The following FAM78A variants were observed in gnomAD, a reference collection of about 807,000 sequenced individuals.
FAM78A encodes the protein family with sequence similarity 78 member A, also known as protein FAM78A.
Under a neutral mutation model 22.6 loss-of-function variants are expected in FAM78A, and 12 were observed. The observed-to-expected ratio is 0.53, with a 90% confidence interval of 0.34 to 0.86. FAM78A has a LOEUF of 0.86. Among genes scored for constraint, FAM78A ranks in the 40% least tolerant of loss-of-function variants. The pLI is 0.02. For missense variants in FAM78A, 322 were observed against 396.1 expected (o/e 0.81, Z 1.59); for synonymous variants, 151 against 155.8 (o/e 0.97, Z 0.23).
chr9:131,269,161 CGCCCCTCCCCATGT>C lies in FAM78A; in HGVS notation c.323+6682_323+6695del, dbSNP rs930948666. ...GAAAACTGAAACCTACCTCCCCATG[CGCCCCTCCCCATGT>C]GCCCCATGTACTCTGGTAAACATCC... On this transcript the variant is annotated intron_variant, in intron 1 of 1. Coordinates refer to ENST00000372271, the MANE Select transcript of FAM78A (RefSeq NM_033387.4). 4.0e-5 allele frequency among the ~76,000 whole-genome samples: 6 copies of C among 151,694 alleles called. No homozygotes were observed. In the South Asian group the frequency reaches 6.3e-4, roughly 16 times the overall value.
intron 1 of FAM78A, among the ~76,000 whole-genome samples, chr9:131,268,117 C>T (rs1318984978): frequency 2.0e-5 from 3 of 152,042 alleles, no homozygotes; most frequent in Non-Finnish European, 4.4e-5. Context: ...CACAGTCTCC[C>T]GCTCAGTCCT....
chr9:131,271,815 ACT>A (rs1430211964), intron 1 of FAM78A, among the ~76,000 whole-genome samples: 2 of 148,984 alleles, frequency 1.3e-5, no homozygotes. Flanking sequence ...CACTTAGAAG[ACT>A]CTGTGCCAGC....
rs1835429688 is a variant in FAM78A at position 131,272,209 on chromosome 9, C to T, written c.323+3648G>A. On this transcript the variant is annotated intron_variant, in intron 1 of 1. Coordinates refer to ENST00000372271, the MANE Select transcript of FAM78A (RefSeq NM_033387.4). The surrounding 1 kb of genome is among the most constrained non-coding windows in gnomAD (Gnocchi z 4.1). ...ATTTGTAAAGAATGAAAGCCCTAAC[C>T]TAGCTCTCGCTACCTAGCTGTCCCT... is the stretch of plus-strand genomic sequence containing the variant. Among the ~76,000 whole-genome samples the T allele has an allele frequency of 6.6e-6, 1 of 152,200 alleles. No individual in the cohort carries two copies. Among genetic ancestry groups the T allele is most frequent in the South Asian group, 2.1e-4 (1 of 4,834 alleles).
chr9:131,270,718 G>A (rs1039995193), intron 1 of FAM78A, among the ~76,000 whole-genome samples: 14 of 151,914 alleles, frequency 9.2e-5, no homozygotes, highest in East Asian at 3.9e-4. Context: ...CACAACTGAC[G>A]CTCAGACCCC....
intron 1 of FAM78A, chr9:131,264,394 G>T (rs528413407): frequency 5.2e-6 from 3 of 571,586 alleles, no homozygotes; most frequent in African/African-American, 3.8e-5. Context: ...TCGTCACCAG[G>T]CTGCGTGGAT....
rs1392216618 is a variant in FAM78A at position 131,274,271 on chromosome 9, T to A, written c.323+1586A>T. On this transcript the variant is annotated intron_variant, in intron 1 of 1. Coordinates refer to ENST00000372271, the MANE Select transcript of FAM78A (RefSeq NM_033387.4). This position sits in a 1 kb window ranked among gnomAD's most constrained non-coding sequence, Gnocchi z 4.2. ...AGTTCAGAAGAACCCACTGGCTTCC[T>A]TACCCCTTCCAGGGAAGAAACTAGG... Among the ~76,000 whole-genome samples the A allele has an allele frequency of 6.6e-6, 1 of 152,242 alleles. No homozygotes were observed. Among genetic ancestry groups the A allele is most frequent in the African/African-American group, 2.4e-5 (1 of 41,464 alleles).
upstream of FAM78A, among the ~76,000 whole-genome samples, chr9:131,277,119 C>G (rs1052977110): frequency 2.6e-5 from 4 of 151,044 alleles, no homozygotes; most frequent in African/African-American, 9.7e-5. The surrounding 1 kb of genome is among the most constrained non-coding windows in gnomAD (Gnocchi z 8.4). Context: ...CCGCGCCCGC[C>G]CCGTCAGTGG....
chr9:131,276,702 C>CCGGCG (rs1835488647), upstream of FAM78A, among the ~76,000 whole-genome samples: 1 of 151,932 alleles, frequency 6.6e-6, no homozygotes, highest in African/African-American at 2.4e-5. The surrounding 1 kb of genome is among the most constrained non-coding windows in gnomAD (Gnocchi z 4.3). Flanking sequence ...GGCCGAGGTC[C>CCGGCG]CGGCGCCCTC....
chr9:131,267,327 A>T (rs1835357659), intron 1 of FAM78A, among the ~76,000 whole-genome samples: 1 of 152,200 alleles, frequency 6.6e-6, no homozygotes, highest in Admixed American at 6.5e-5. Flanking sequence ...CCAGGAGGTC[A>T]AGACCAGCCA....
chr9:131,279,181 C>A (rs906396958), upstream of FAM78A, among the ~76,000 whole-genome samples: 1 of 152,238 alleles, frequency 6.6e-6, no homozygotes, highest in Non-Finnish European at 1.5e-5. Flanking sequence ...AAGGCAGGGC[C>A]ACAGAGATGG....
chr9:131,264,651 A>T (rs1391044695), intron 1 of FAM78A: 2 of 716,846 alleles, frequency 2.8e-6, no homozygotes, highest in Non-Finnish European at 5.2e-6. Context: ...ATCAGCAGTT[A>T]GAAGTGTGCC....
At chr9:131,268,195 G>A (rs957992559) in intron 1 of FAM78A, among the ~76,000 whole-genome samples, 3 of 152,152 alleles carry the variant, frequency 2.0e-5, no homozygotes, top group African/African-American at 7.2e-5. Context: ...CAACAGTATG[G>A]ATTTTATAAT....
chr9:131,279,478 C>T (rs76392430), upstream of FAM78A, among the ~76,000 whole-genome samples: 691 of 152,324 alleles, frequency 4.5e-3, 8 homozygotes, highest in African/African-American at 0.015. Context: ...ACTCTCATCA[C>T]CCCGACAGCC....
intron 1 of FAM78A, among the ~76,000 whole-genome samples, chr9:131,266,454 C>T (rs1318584770): frequency 6.6e-6 from 1 of 152,026 alleles, no homozygotes; most frequent in African/African-American, 2.4e-5. Flanking sequence ...GGCCTTCTAC[C>T]GGGAGCAGCG....
chr9:131,280,508 C>A (rs1835531752), upstream of FAM78A, among the ~76,000 whole-genome samples: 1 of 152,216 alleles, frequency 6.6e-6, no homozygotes, highest in Admixed American at 6.5e-5. Context: ...TTTCCCCTCC[C>A]CCAGGCCTCA....
chr9:131,272,004 G>A lies in FAM78A; in HGVS notation c.323+3853C>T, dbSNP rs2131192090. 6.6e-6 allele frequency among the ~76,000 whole-genome samples: 1 copy of A among 152,204 alleles called. No individual in the cohort carries two copies. The highest frequency in any genetic ancestry group is 2.1e-4 in the South Asian group (1 of 4,828). On this transcript the variant is annotated intron_variant, in intron 1 of 1. Coordinates refer to ENST00000372271, the MANE Select transcript of FAM78A (RefSeq NM_033387.4). This position sits in a 1 kb window ranked among gnomAD's most constrained non-coding sequence, Gnocchi z 4.1. ...TTTCCAGCTCTGTCTGCAAAAGTCA[G>A]GGTATTATTGAGATGGTGGTTTTTT...
intron 1 of FAM78A, among the ~76,000 whole-genome samples, chr9:131,266,223 C>T (rs1835343096): frequency 6.6e-6 from 1 of 152,180 alleles, no homozygotes; most frequent in South Asian, 2.1e-4. Context: ...CCCGAAGGAT[C>T]TTCTAAAAAC....
chr9:131,267,414 C>T (rs575678045), intron 1 of FAM78A, among the ~76,000 whole-genome samples: 1 of 152,238 alleles, frequency 6.6e-6, no homozygotes, highest in South Asian at 2.1e-4. Flanking sequence ...TCCCTATACT[C>T]CCAGCTACTC....
intron 1 of FAM78A, among the ~76,000 whole-genome samples, chr9:131,268,250 A>G (rs1259435916): frequency 6.6e-6 from 1 of 152,140 alleles, no homozygotes; most frequent in Non-Finnish European, 1.5e-5. Flanking sequence ...AAGCTTTACA[A>G]TTTTACAGAA....
Sources: allele counts gnomAD v4.1 joint callset (sites outside exome capture counted in the v4.1 genomes callset), GRCh38; gene constraint gnomAD v4.1.1; non-coding constraint Gnocchi (gnomAD v3.1); transcripts MANE v1.5; gene names NCBI Gene and HGNC (gene_info 2026-07-23, HGNC 2026-07-21).